The following MAGI1 variants were observed in gnomAD, a reference collection of about 807,000 sequenced individuals.
MAGI1 encodes membrane-associated guanylate kinase, WW and PDZ domain-containing protein 1.
MAGI1 carries 58 observed loss-of-function variants against 139.9 expected under a neutral mutation model. The observed-to-expected ratio is 0.41, with a 90% confidence interval of 0.34 to 0.52. The LOEUF is 0.52. Among genes scored for constraint, MAGI1 ranks in the 20% least tolerant of loss-of-function variants. The pLI, the probability that MAGI1 is intolerant of heterozygous loss-of-function variation, is 0.12. For synonymous variants in MAGI1, 812 were observed against 737.9 expected, an observed-to-expected ratio of 1.10 and a Z score of -1.63; for missense variants, 1,874 against 1,901.6, an observed-to-expected ratio of 0.99 and a Z score of 0.27.
At chr3:65,886,661 A>G (rs1008187017) in intron 1 of MAGI1, among the ~76,000 whole-genome samples, 2 of 152,206 alleles carry the variant, frequency 1.3e-5, no homozygotes, top group African/African-American at 4.8e-5. Flanking sequence ...CAGGAGGACA[A>G]TATCTCTATA....
intron 1 of MAGI1, among the ~76,000 whole-genome samples, chr3:65,850,877 C>G (rs534388476): frequency 5.1e-4 from 77 of 152,004 alleles, no homozygotes; most frequent in African/African-American, 1.8e-3. Context: ...GAGGCCGAGG[C>G]GGGCGGATCA....
intron 1 of MAGI1, among the ~76,000 whole-genome samples, chr3:65,808,134 C>T (rs1468855406): frequency 1.3e-5 from 2 of 151,754 alleles, no homozygotes; most frequent in African/African-American, 4.8e-5. Context: ...TACAGGCATT[C>T]GCCACCACGC....
At chr3:65,488,464 G>A (rs551150098) in intron 3 of MAGI1, among the ~76,000 whole-genome samples, 45 of 150,892 alleles carry the variant, frequency 3.0e-4, no homozygotes, top group Admixed American at 2.3e-3. Flanking sequence ...AGCCTCCCAA[G>A]TAGCTGGGAC....
chr3:65,551,578 G>C lies in MAGI1; in HGVS notation c.431-57947C>G, dbSNP rs536358478. Among the ~76,000 whole-genome samples the C allele has an allele frequency of 5.3e-5, 8 of 152,322 alleles. No homozygotes were observed. The East Asian group carries it at 1.5e-3, about 29-fold the overall frequency. On this transcript the variant is annotated intron_variant, in intron 2 of 22. Coordinates refer to ENST00000402939, the MANE Select transcript of MAGI1 (RefSeq NM_001033057.2). ...GCCTCCCAAAGTGCTGGGATTACAG[G>C]CGTGAGCCACCACGCCCGGCCCACT...
At chr3:65,631,471 T>C (rs944361009) in intron 1 of MAGI1, among the ~76,000 whole-genome samples, 1 of 152,238 alleles carries the variant, frequency 6.6e-6, no homozygotes. Flanking sequence ...ATTTAACCTA[T>C]TACCAATTAG....
chr3:65,952,496 T>C (rs2063912351), intron 1 of MAGI1, among the ~76,000 whole-genome samples: 2 of 152,072 alleles, frequency 1.3e-5, no homozygotes, highest in Admixed American at 6.6e-5. Context: ...TTAATTTGTG[T>C]GTGTTAGAAT....
chr3:65,784,581 T>G (rs1487834233), intron 1 of MAGI1, among the ~76,000 whole-genome samples: 1 of 152,106 alleles, frequency 6.6e-6, no homozygotes, highest in Non-Finnish European at 1.5e-5. Flanking sequence ...GACGGGCGCC[T>G]GTAGTCCCAG....
At chr3:65,477,275 C>T (rs1417107495) in intron 4 of MAGI1, among the ~76,000 whole-genome samples, 1 of 152,120 alleles carries the variant, frequency 6.6e-6, no homozygotes, top group Non-Finnish European at 1.5e-5. Flanking sequence ...AAGTGAGGCC[C>T]ATACAGGTTG....
chr3:65,981,109 G>A (rs1388448604), intron 1 of MAGI1, among the ~76,000 whole-genome samples: 2 of 142,996 alleles, frequency 1.4e-5, no homozygotes, highest in African/African-American at 2.6e-5. Context: ...TGCAGATCAC[G>A]CCACTGCACT....
At chr3:65,593,006 T>C (rs2082036353) in intron 2 of MAGI1, among the ~76,000 whole-genome samples, 1 of 152,172 alleles carries the variant, frequency 6.6e-6, no homozygotes, top group Non-Finnish European at 1.5e-5. Context: ...GCCTACCACA[T>C]AGTAGGCACT....
At chr3:65,702,533 T>G (rs2089686225) in intron 1 of MAGI1, among the ~76,000 whole-genome samples, 1 of 152,112 alleles carries the variant, frequency 6.6e-6, no homozygotes. Flanking sequence ...TCTTCTCACT[T>G]TCTAGAATTA....
chr3:65,976,560 G>T (rs1251367252), intron 1 of MAGI1, among the ~76,000 whole-genome samples: 1 of 152,170 alleles, frequency 6.6e-6, no homozygotes, highest in Non-Finnish European at 1.5e-5. Flanking sequence ...GAACCTGGGA[G>T]GCAGAGGTTG....
chr3:65,892,250 GA>G (rs965813131), intron 1 of MAGI1, among the ~76,000 whole-genome samples: 3 of 152,136 alleles, frequency 2.0e-5, no homozygotes, highest in Admixed American at 6.5e-5. Flanking sequence ...TTATGTTACA[GA>G]AAAAGATGTC....
intron 1 of MAGI1, among the ~76,000 whole-genome samples, chr3:65,624,108 A>G (rs957345091): frequency 2.0e-5 from 3 of 152,222 alleles, no homozygotes; most frequent in African/African-American, 7.2e-5. Context: ...ACAAAAAGTA[A>G]AAAGACTGAA....
At chr3:65,891,696 T>C (rs1005007044) in intron 1 of MAGI1, among the ~76,000 whole-genome samples, 3 of 123,606 alleles carry the variant, frequency 2.4e-5, no homozygotes, top group African/African-American at 6.3e-5. Flanking sequence ...CCCTAAGGTG[T>C]TGGAAGACTG....
At chr3:65,434,507 G>A (rs775233333) in intron 10 of MAGI1, among the ~76,000 whole-genome samples, 1 of 152,172 alleles carries the variant, frequency 6.6e-6, no homozygotes, top group African/African-American at 2.4e-5. Flanking sequence ...GGAGAATTTA[G>A]TTGGCCTGTG....
At chr3:65,380,411 G>A (rs899068701) in intron 16 of MAGI1, among the ~76,000 whole-genome samples, 2 of 152,158 alleles carry the variant, frequency 1.3e-5, no homozygotes, top group East Asian at 1.9e-4. Context: ...GTGGTATTAA[G>A]TGCATTCACA....
intron 2 of MAGI1, among the ~76,000 whole-genome samples, chr3:65,607,229 A>T (rs2082789644): frequency 6.6e-6 from 1 of 151,582 alleles, no homozygotes; most frequent in Non-Finnish European, 1.5e-5. Context: ...CCTGTCAAAT[A>T]GCTGGTACCT....
At chr3:65,945,671 G>A (rs2063514874) in intron 1 of MAGI1, among the ~76,000 whole-genome samples, 1 of 152,210 alleles carries the variant, frequency 6.6e-6, no homozygotes, top group Non-Finnish European at 1.5e-5. Flanking sequence ...AACCCATCCA[G>A]CTATTTCTGT....
Sources: allele counts gnomAD v4.1 joint callset (sites outside exome capture counted in the v4.1 genomes callset), GRCh38; gene constraint gnomAD v4.1.1; transcripts MANE v1.5; gene names NCBI Gene and HGNC (gene_info 2026-07-23, HGNC 2026-07-21).